MGAT5: variants seen among roughly 807,000 people sequenced by gnomAD.
MGAT5 encodes alpha-1,6-mannosylglycoprotein 6-beta-N-acetylglucosaminyltransferase A.
In MGAT5, 30 loss-of-function variants were observed where a neutral mutation model predicts 94.3. The observed-to-expected ratio is 0.32, with a 90% CI of 0.24 to 0.43. The LOEUF (loss-of-function observed/expected upper bound fraction) is 0.43, where lower values mean the gene tolerates loss of function less well. Ranked by LOEUF, MGAT5 falls within the 20% of genes least tolerant of loss-of-function variation. The pLI, the probability that MGAT5 is intolerant of heterozygous loss-of-function variation, is 1.00. For synonymous variants in MGAT5, 310 were observed against 322.9 expected (o/e 0.96, Z 0.43); for missense variants, 691 against 905.5 (o/e 0.76, Z 3.04).
intron 1 of MGAT5, among the ~76,000 whole-genome samples, chr2:134,160,458 G>T (rs1056056717): frequency 1.3e-5 from 2 of 152,172 alleles, no homozygotes; most frequent in Admixed American, 1.3e-4. Flanking sequence ...AGGCCACTGC[G>T]CCTGGCCTGG....
At chr2:134,229,423 T>C (rs1681235825) in intron 1 of MGAT5, among the ~76,000 whole-genome samples, 1 of 152,254 alleles carries the variant, frequency 6.6e-6, no homozygotes, top group African/African-American at 2.4e-5. Flanking sequence ...TTTCGTTTTC[T>C]TTGGACCTGT....
chr2:134,181,724 T>C (rs954596824), intron 1 of MGAT5, among the ~76,000 whole-genome samples: 1 of 152,208 alleles, frequency 6.6e-6, no homozygotes, highest in African/African-American at 2.4e-5. Context: ...GTACACTTCT[T>C]ACACCTTAAT....
At chr2:134,142,928 G>T (rs1023993150) in intron 1 of MGAT5, among the ~76,000 whole-genome samples, 17 of 151,332 alleles carry the variant, frequency 1.1e-4, no homozygotes, top group African/African-American at 2.7e-4. Context: ...TCCTGTTTTG[G>T]TTTTTTTCAA....
chr2:134,358,355 T>C (rs1679882244), intron 9 of MGAT5, among the ~76,000 whole-genome samples: 1 of 152,244 alleles, frequency 6.6e-6, no homozygotes, highest in Non-Finnish European at 1.5e-5. Context: ...TTTTCTCATA[T>C]CTTTATTATC....
At chr2:134,371,048 G>A (rs373799976) in intron 10 of MGAT5, among the ~76,000 whole-genome samples, 2 of 152,182 alleles carry the variant, frequency 1.3e-5, no homozygotes, top group African/African-American at 2.4e-5. Context: ...TTATGCAATC[G>A]TCTTAGATCC....
At chr2:134,186,953 T>G (rs1184998011) in intron 1 of MGAT5, among the ~76,000 whole-genome samples, 1 of 152,108 alleles carries the variant, frequency 6.6e-6, no homozygotes, top group East Asian at 1.9e-4. Context: ...GGTTGGGTGG[T>G]CCAGGAGGCT....
rs550251311 is a variant in MGAT5 at position 134,322,644 on chromosome 2, G to A, written c.573+3905G>A. Among the ~76,000 whole-genome samples, 5 of 152,122 alleles carry A rather than the reference G, an allele frequency of 3.3e-5. No homozygotes were observed. In the South Asian group the frequency reaches 1.0e-3, roughly 31 times the overall value. ...TGTAAAACCGATTAATTCCTTTTTA[G>A]TATTTTTAAAATCCTGGACAATATC... On this transcript the variant is annotated intron_variant, in intron 4 of 15. Transcript: ENST00000281923.
At chr2:134,151,680 A>C (rs1183329447) in intron 1 of MGAT5, among the ~76,000 whole-genome samples, 1 of 81,126 alleles carries the variant, frequency 1.2e-5, no homozygotes, top group Non-Finnish European at 2.3e-5. Context: ...TGTGGGACCC[A>C]CTCACTGCCA....
chr2:134,297,196 C>CAAAAAAAAAAAAA (rs143685303), intron 2 of MGAT5, among the ~76,000 whole-genome samples: 1 of 100,480 alleles, frequency 1.0e-5, no homozygotes, highest in Non-Finnish European at 2.0e-5. Flanking sequence ...GACCTGGTCT[C>CAAAAAAAAAAAAA]AAAAAAAAAA....
intron 10 of MGAT5, among the ~76,000 whole-genome samples, chr2:134,396,381 T>G (rs1682707503): frequency 6.6e-6 from 1 of 152,182 alleles, no homozygotes. Context: ...TCATCTTTGT[T>G]GAATTTTAGA....
rs373153367 is a variant in MGAT5, at chr2:134,206,338, G to C, written c.-142-47924G>C. Among the ~76,000 whole-genome samples, 26 of 152,330 alleles carry C rather than the reference G, an allele frequency of 1.7e-4. No individual in the cohort carries two copies. In the East Asian group the frequency reaches 2.3e-3, roughly 14 times the overall value. ...AAGGAGCAACATCTCTGGATACAAAGGATCGCCAGGATGCTGATGTGAATA... is the reference window on the plus strand; with the variant it reads ...AAGGAGCAACATCTCTGGATACAAACGATCGCCAGGATGCTGATGTGAATA... On this transcript the variant is annotated intron_variant, in intron 1 of 16. Transcript: ENST00000409645.
At chr2:134,244,944 CAT>C (rs1179724076) in intron 1 of MGAT5, among the ~76,000 whole-genome samples, 2 of 152,148 alleles carry the variant, frequency 1.3e-5, no homozygotes, top group African/African-American at 4.8e-5. Flanking sequence ...GATTGAGAAA[CAT>C]TGGATTAAAG....
chr2:134,381,536 C>CAGACAGACAGACAGATAGATAGATAGAT (rs59821586), intron 10 of MGAT5, among the ~76,000 whole-genome samples: 4 of 146,960 alleles, frequency 2.7e-5, no homozygotes, highest in Non-Finnish European at 6.0e-5. Context: ...GACAGACAGA[C>CAGACAGACAGACAGATAGATAGATAGAT]AGATAGATAG....
intron 2 of MGAT5, among the ~76,000 whole-genome samples, chr2:134,288,458 T>A (rs1685146217): frequency 6.6e-6 from 1 of 151,732 alleles, no homozygotes; most frequent in African/African-American, 2.4e-5. Flanking sequence ...AGAAATTGAG[T>A]AGTTGATACA....
intron 2 of MGAT5, among the ~76,000 whole-genome samples, chr2:134,272,940 T>G (rs974916467): frequency 3.9e-5 from 6 of 152,244 alleles, no homozygotes; most frequent in African/African-American, 7.2e-5. Context: ...TCATTAAGGA[T>G]TTCTCTGTCT....
At chr2:134,122,470 T>C (rs1685658744) in intron 1 of MGAT5, among the ~76,000 whole-genome samples, 1 of 152,144 alleles carries the variant, frequency 6.6e-6, no homozygotes, top group Non-Finnish European at 1.5e-5. Flanking sequence ...TCTCTTGCCC[T>C]CCTCCATCAC....
chr2:134,149,905 T>A (rs542105508), intron 1 of MGAT5, among the ~76,000 whole-genome samples: 3 of 152,206 alleles, frequency 2.0e-5, no homozygotes, highest in South Asian at 4.2e-4. Context: ...GGAGCTATAG[T>A]CAAGGAAGAA....
chr2:134,446,232 CAT>C (rs555296700), intron 15 of MGAT5, among the ~76,000 whole-genome samples: 3 of 152,046 alleles, frequency 2.0e-5, no homozygotes, highest in Non-Finnish European at 4.4e-5. Flanking sequence ...GACACACGCT[CAT>C]GTGTGCTTCT....
rs13398027 is a variant in MGAT5 at position 134,146,898 on chromosome 2, A to G, written c.-143+26607A>G. Among the ~76,000 whole-genome samples the G allele has an allele frequency of 2.8e-3, 427 of 152,326 alleles. 2 individuals carry two copies. The highest frequency in any genetic ancestry group is 9.3e-3 in the African/African-American group (388 of 41,566). On this transcript the variant is annotated intron_variant, in intron 1 of 16. Transcript: ENST00000409645. ...GAATTTAAAAAGTCACTCTGGAGTC[A>G]TTAGAAAAGTATGGCTATGAAGAAA...
Sources: gnomAD v4.1 joint callset for allele counts (sites outside exome capture counted in the v4.1 genomes callset) on GRCh38, gnomAD v4.1.1 for gene constraint, MANE v1.5 for transcripts, NCBI Gene and HGNC (gene_info 2026-07-23, HGNC 2026-07-21) for gene names.